The following TMTC2 variants were observed in gnomAD, a reference collection of about 807,000 sequenced individuals.
The protein encoded by TMTC2 is transmembrane O-mannosyltransferase targeting cadherins 2.
Under a neutral mutation model 82.4 loss-of-function variants are expected in TMTC2, and 43 were observed. That is an observed-to-expected ratio of 0.52 (90% confidence interval 0.41 to 0.67). The LOEUF is 0.67. TMTC2 is among the 30% of genes least tolerant of loss of function. The pLI is 0.00. For missense variants in TMTC2, 919 were observed against 1,012.4 expected (o/e 0.91, Z 1.25); for synonymous variants, 408 against 381.9 (o/e 1.07, Z -0.80).
At chr12:83,003,554 T>C (rs1233714381) in intron 8 of TMTC2, among the ~76,000 whole-genome samples, 2 of 152,192 alleles carry the variant, frequency 1.3e-5, no homozygotes, top group African/African-American at 4.8e-5. Context: ...ACAGGTATTG[T>C]TCTTCCATCT....
chr12:82,778,100 A>G (rs1877692133), intron 1 of TMTC2, among the ~76,000 whole-genome samples: 1 of 152,058 alleles, frequency 6.6e-6, no homozygotes, highest in South Asian at 2.1e-4. Flanking sequence ...ATTCTTCAGT[A>G]TTACTCTAGT....
At chr12:83,044,683 A>G (rs763447578) in intron 9 of TMTC2, among the ~76,000 whole-genome samples, 1 of 152,226 alleles carries the variant, frequency 6.6e-6, no homozygotes, top group Non-Finnish European at 1.5e-5. Flanking sequence ...CAACCACTTT[A>G]ATGCAAATGC....
intron 2 of TMTC2, among the ~76,000 whole-genome samples, chr12:82,870,240 T>C (rs1017455750): frequency 1.3e-5 from 2 of 152,176 alleles, no homozygotes; most frequent in African/African-American, 2.4e-5. Flanking sequence ...CCTCCTTCCC[T>C]CCCACCTCAA....
chr12:82,912,183 C>T (rs1209732225), intron 3 of TMTC2, among the ~76,000 whole-genome samples: 1 of 152,110 alleles, frequency 6.6e-6, no homozygotes, highest in African/African-American at 2.4e-5. Flanking sequence ...AAAAATTTCT[C>T]TGTAGACATT....
At chr12:82,864,000 G>C (rs575016728) in intron 2 of TMTC2, among the ~76,000 whole-genome samples, 1 of 152,264 alleles carries the variant, frequency 6.6e-6, no homozygotes, top group Admixed American at 6.5e-5. Flanking sequence ...CTGGAGCAGA[G>C]ACATTTGAGT....
chr12:82,778,615 C>T (rs1366118588), intron 1 of TMTC2, among the ~76,000 whole-genome samples: 2 of 151,848 alleles, frequency 1.3e-5, no homozygotes, highest in African/African-American at 2.4e-5. Flanking sequence ...TTTGGGAGGC[C>T]GAGGCGGGCG....
At chr12:83,127,902 C>A (rs553177155) in intron 11 of TMTC2, among the ~76,000 whole-genome samples, 1 of 152,076 alleles carries the variant, frequency 6.6e-6, no homozygotes, top group Non-Finnish European at 1.5e-5. Context: ...AAATCCCTAG[C>A]GACTTAAAAA....
chr12:83,093,398 G>A (rs1433709313), intron 11 of TMTC2, among the ~76,000 whole-genome samples: 2 of 152,124 alleles, frequency 1.3e-5, no homozygotes, highest in Admixed American at 6.5e-5. Flanking sequence ...AGACTTTTCC[G>A]TTTCTTTTGT....
intron 8 of TMTC2, among the ~76,000 whole-genome samples, chr12:83,004,089 G>A (rs960402839): frequency 1.3e-5 from 2 of 151,898 alleles, no homozygotes; most frequent in African/African-American, 2.4e-5. Flanking sequence ...TCTCTTTTTT[G>A]TCTTTCTGCA....
At chr12:82,769,062 G>A (rs1877141269) in intron 1 of TMTC2, among the ~76,000 whole-genome samples, 2 of 151,108 alleles carry the variant, frequency 1.3e-5, no homozygotes, top group Non-Finnish European at 2.9e-5. Context: ...CAGGGGCTAA[G>A]CCATATGCCT....
At chr12:83,012,527 A>G (rs924517506) in intron 8 of TMTC2, among the ~76,000 whole-genome samples, 4 of 152,172 alleles carry the variant, frequency 2.6e-5, no homozygotes, top group African/African-American at 7.2e-5. Context: ...CATGTAAAAT[A>G]ATTTCTTTAT....
intron 1 of TMTC2, among the ~76,000 whole-genome samples, chr12:82,741,052 G>A (rs562358755): frequency 7.2e-5 from 11 of 152,222 alleles, no homozygotes; most frequent in East Asian, 1.9e-4. Flanking sequence ...ATATCAACAA[G>A]GGGTCATGTA....
Position 82,986,057 on chromosome 12 carries a change from G to T in TMTC2, c.2070+11G>T. The T allele has an allele frequency of 2.5e-6, 4 of 1,613,754 alleles. No individual in the cohort carries two copies. Among genetic ancestry groups the T allele is most frequent in the South Asian group, 1.1e-5 (1 of 91,080 alleles). On this transcript the variant is annotated intron_variant, in intron 8 of 11. Coordinates refer to ENST00000321196, the MANE Select transcript of TMTC2 (RefSeq NM_152588.3). ...CTGCTAGCTCTAACAGTGAGTAACC[G>T]CCTTCCTTGGTCTTTAAAACTTGGT... is the stretch of plus-strand genomic sequence containing the variant.
intron 8 of TMTC2, among the ~76,000 whole-genome samples, chr12:83,027,650 C>T (rs1373462967): frequency 1.3e-5 from 2 of 152,116 alleles, no homozygotes; most frequent in Non-Finnish European, 2.9e-5. Context: ...TGGCACTTGG[C>T]TAAATAAATA....
At chr12:82,937,989 A>C in intron 4 of TMTC2, among the ~76,000 whole-genome samples, 1 of 142,786 alleles carries the variant, frequency 7.0e-6, no homozygotes, top group South Asian at 2.2e-4. Context: ...ATCTCAGCTC[A>C]CTGCAACCTC....
intron 7 of TMTC2, among the ~76,000 whole-genome samples, chr12:82,981,273 G>A (rs1367682117): frequency 6.6e-6 from 1 of 151,832 alleles, no homozygotes; most frequent in African/African-American, 2.4e-5. Flanking sequence ...TTATCTGCAA[G>A]CAGGAGCTGT....
At chr12:83,045,749 A>ACACACACACACACACACACC in intron 9 of TMTC2, among the ~76,000 whole-genome samples, 2 of 138,208 alleles carry the variant, frequency 1.4e-5, no homozygotes, top group African/African-American at 2.5e-5. Flanking sequence ...ACACACACAC[A>ACACACACACACACACACACC]CACCAGGAGT....
intron 4 of TMTC2, among the ~76,000 whole-genome samples, chr12:82,957,838 G>A (rs1018773317): frequency 6.6e-6 from 1 of 151,820 alleles, no homozygotes; most frequent in African/African-American, 2.4e-5. Context: ...GACTAATACT[G>A]ACTTTGGAAA....
chr12:83,035,555 G>T (rs141643800), intron 9 of TMTC2, among the ~76,000 whole-genome samples: 1 of 152,292 alleles, frequency 6.6e-6, no homozygotes, highest in Non-Finnish European at 1.5e-5. Context: ...GGAATGCGTA[G>T]AAAATAGGTT....
Sources: allele counts gnomAD v4.1 joint callset (sites outside exome capture counted in the v4.1 genomes callset), GRCh38; gene constraint gnomAD v4.1.1; transcripts MANE v1.5; gene names NCBI Gene and HGNC (gene_info 2026-07-23, HGNC 2026-07-21).